RFTN1: variants seen among roughly 807,000 people sequenced by gnomAD.
RFTN1 encodes raftlin, lipid raft linker 1, also known as raftlin.
RFTN1 carries 26 observed loss-of-function variants against 46.5 expected under a neutral mutation model. That is an observed-to-expected ratio of 0.56 (90% CI 0.41 to 0.78). The LOEUF (loss-of-function observed/expected upper bound fraction) is 0.78. Among genes scored for constraint, RFTN1 ranks in the 30% least tolerant of loss-of-function variants. The pLI, the probability that RFTN1 is intolerant of heterozygous loss-of-function variation, is 0.00. For missense variants in RFTN1, 693 were observed against 718.7 expected, an observed-to-expected ratio of 0.96 and a Z score of 0.41; for synonymous variants, 261 against 284.2, an observed-to-expected ratio of 0.92 and a Z score of 0.82.
At chr3:16,477,843 T>C (rs1246399326) in intron 2 of RFTN1, among the ~76,000 whole-genome samples, 3 of 152,352 alleles carry the variant, frequency 2.0e-5, no homozygotes, top group Admixed American at 2.0e-4. Context: ...ACCAGGCTGA[T>C]GAATAACTGG....
intron 3 of RFTN1, among the ~76,000 whole-genome samples, chr3:16,411,842 A>G (rs550736526): frequency 7.2e-5 from 11 of 152,364 alleles, no homozygotes; most frequent in African/African-American, 2.2e-4. Flanking sequence ...TCAAATGAAT[A>G]GACTAAAAAA....
intron 2 of RFTN1, among the ~76,000 whole-genome samples, chr3:16,444,413 T>C (rs770789634): frequency 2.0e-5 from 3 of 152,266 alleles, no homozygotes; most frequent in Non-Finnish European, 4.4e-5. Flanking sequence ...CTATGGGTTT[T>C]TTCCAGGCGC....
chr3:16,441,482 A>G (rs1428683217), intron 2 of RFTN1, among the ~76,000 whole-genome samples: 1 of 152,332 alleles, frequency 6.6e-6, no homozygotes, highest in Middle Eastern at 3.4e-3. Flanking sequence ...AGCCCTTCAG[A>G]CATTTGCAAA....
rs2075338987 is a variant in RFTN1, at chr3:16,429,135, T to G, written c.332+4716A>C. 6.6e-6 allele frequency among the ~76,000 whole-genome samples: 1 copy of G among 150,406 alleles called. No homozygotes were observed. The highest frequency in any genetic ancestry group is 2.4e-5 in the African/African-American group (1 of 41,326). On this transcript the variant is annotated intron_variant, in intron 3 of 9. Coordinates refer to ENST00000334133, the MANE Select transcript of RFTN1 (RefSeq NM_015150.2). The surrounding 1 kb of genome is among the most constrained non-coding windows in gnomAD (Gnocchi z 6.4). ...AATACACTTAGAATTAAGAACAGTT[T>G]ACAGTTAGATGTGTGGCTAGGCCTG...
At chr3:16,343,566 A>G (rs1405048385) in intron 7 of RFTN1, among the ~76,000 whole-genome samples, 2 of 152,256 alleles carry the variant, frequency 1.3e-5, no homozygotes, top group South Asian at 2.1e-4. Context: ...TATGGTGGTC[A>G]TGGTGGAACC....
chr3:16,321,830 C>A lies in RFTN1; in HGVS notation c.1332+1546G>T, dbSNP rs1393108082. On this transcript the variant is annotated intron_variant, in intron 9 of 9. Transcript: ENST00000334133. This position sits in a 1 kb window ranked among gnomAD's most constrained non-coding sequence, Gnocchi z 4.8. Reference sequence around the variant, plus strand: ...GAGGAGAGTCAGTTCAACCTTATTACAGCAGCTTTTACAAATCTATCTCTA... The same window carrying A: ...GAGGAGAGTCAGTTCAACCTTATTAAAGCAGCTTTTACAAATCTATCTCTA... Among the ~76,000 whole-genome samples, 1 of 152,202 alleles carries A rather than the reference C, an allele frequency of 6.6e-6. No homozygotes were observed. Among genetic ancestry groups the A allele is most frequent in the South Asian group, 2.1e-4 (1 of 4,834 alleles).
chr3:16,396,195 A>T (rs746867469), intron 4 of RFTN1, among the ~76,000 whole-genome samples: 16 of 152,246 alleles, frequency 1.1e-4, no homozygotes, highest in Non-Finnish European at 1.6e-4. Flanking sequence ...TCTGATTAAC[A>T]GCTATGGCAG....
intron 1 of RFTN1, among the ~76,000 whole-genome samples, chr3:16,508,686 TCACA>T (rs1302882324): frequency 9.1e-6 from 1 of 109,630 alleles, no homozygotes; most frequent in Non-Finnish European, 1.8e-5. Flanking sequence ...GAAGGAAAGA[TCACA>T]CGCACGCACA....
chr3:16,317,243 G>A lies in RFTN1; in HGVS notation c.1333-11C>T, dbSNP rs2068506183. On this transcript the variant is annotated splice_polypyrimidine_tract_variant and intron_variant, in intron 9 of 9. Coordinates refer to ENST00000334133, the MANE Select transcript of RFTN1 (RefSeq NM_015150.2). This position sits in a 1 kb window ranked among gnomAD's most constrained non-coding sequence, Gnocchi z 4.3. The stretch of plus-strand genomic sequence containing the variant: ...GAATCGCCACTGAAACTAGAAATCA[G>A]AAAGGATGGGGATAAATAACAAGCC... The A allele has an allele frequency of 1.9e-6, 3 of 1,610,244 alleles. No individual in the cohort carries two copies.
rs190646245 is a variant in RFTN1 at position 16,508,749 on chromosome 3, A to C, written c.-9+4693T>G. Among the ~76,000 whole-genome samples the C allele has an allele frequency of 1.2e-4, 19 of 152,176 alleles. No individual in the cohort carries two copies. The East Asian group carries it at 3.7e-3, about 29-fold the overall frequency. On this transcript the variant is annotated intron_variant, in intron 1 of 9. Transcript: ENST00000334133. ...CCCTTTAAAAGGTAAACACAAAAGC[A>C]ACATCTGGCTAAATGTATCCCTTTG...
At chr3:16,435,268 A>G (rs2075480483) in intron 2 of RFTN1, among the ~76,000 whole-genome samples, 2 of 152,204 alleles carry the variant, frequency 1.3e-5, no homozygotes, top group Admixed American at 6.5e-5. Context: ...AATTTTTATC[A>G]ATTAACAGTA....
In RFTN1 at chr3:16,393,725, C is replaced by T. The variant is rs2125407794; in HGVS notation, c.442-15623G>A. 2.0e-5 allele frequency among the ~76,000 whole-genome samples: 3 copies of T among 150,722 alleles called. No individual in the cohort carries two copies. In the South Asian group the frequency reaches 6.3e-4, roughly 32 times the overall value. On this transcript the variant is annotated intron_variant, in intron 4 of 9. Transcript: ENST00000334133. ...CCAGGCTGTAGTGCAGTGGCACGGTCTTGGCTTACTGCCAGCTCCACCTCC... is the reference window on the plus strand; with the variant it reads ...CCAGGCTGTAGTGCAGTGGCACGGTTTTGGCTTACTGCCAGCTCCACCTCC...
At position 16,342,893 on chromosome 3, in the gene RFTN1, T is replaced by C. The variant is rs1233137364; in HGVS notation, c.1146+15039A>G. On this transcript the variant is annotated intron_variant, in intron 7 of 9. Coordinates refer to ENST00000334133, the MANE Select transcript of RFTN1 (RefSeq NM_015150.2). The surrounding 1 kb of genome is among the most constrained non-coding windows in gnomAD (Gnocchi z 4.0). Reference sequence around the variant, plus strand: ...ATCTCCACCCCGAAGACCCACTGACTTTGAGTCTCGATCTCAGCTCACTGC... The same window carrying C: ...ATCTCCACCCCGAAGACCCACTGACCTTGAGTCTCGATCTCAGCTCACTGC... Among the ~76,000 whole-genome samples, 1 of 152,208 alleles carries C rather than the reference T, an allele frequency of 6.6e-6. No homozygotes were observed. The highest frequency in any genetic ancestry group is 2.4e-5 in the African/African-American group (1 of 41,448).
At chr3:16,325,918 G>A (rs2069642562) in intron 8 of RFTN1, among the ~76,000 whole-genome samples, 1 of 152,206 alleles carries the variant, frequency 6.6e-6, no homozygotes, top group African/African-American at 2.4e-5. Context: ...GGGCCACAGC[G>A]GGGGCATCCT....
chr3:16,354,342 A>G (rs1051671393), intron 7 of RFTN1, among the ~76,000 whole-genome samples: 1 of 152,250 alleles, frequency 6.6e-6, no homozygotes, highest in Non-Finnish European at 1.5e-5. Context: ...CCATAAACCA[A>G]GGAGTTACAG....
rs1291764215 is a variant in RFTN1 at position 16,452,084 on chromosome 3, G to A, written c.146-18047C>T. ...GCAGGATGGCACGAGATTTCACCAT[G>A]CTACTCAGAATAGTGAGTAATTGAA... On this transcript the variant is annotated intron_variant, in intron 2 of 9. Transcript: ENST00000334133. The surrounding 1 kb of genome is among the most constrained non-coding windows in gnomAD (Gnocchi z 6.3). Among the ~76,000 whole-genome samples, 1 of 152,194 alleles carries A rather than the reference G, an allele frequency of 6.6e-6. No individual in the cohort carries two copies. Among genetic ancestry groups the A allele is most frequent in the South Asian group, 2.1e-4 (1 of 4,830 alleles).
At chr3:16,368,319 G>T (rs997072228) in intron 6 of RFTN1, among the ~76,000 whole-genome samples, 1 of 150,044 alleles carries the variant, frequency 6.7e-6, no homozygotes, top group African/African-American at 2.5e-5. Flanking sequence ...TTGTGTAGAG[G>T]GAGGTTACCC....
At chr3:16,332,983 AAC>A (rs2070479251) in intron 7 of RFTN1, among the ~76,000 whole-genome samples, 1 of 152,200 alleles carries the variant, frequency 6.6e-6, no homozygotes, top group Non-Finnish European at 1.5e-5. Flanking sequence ...ATCTGGTCGC[AAC>A]AGTTTTGCAA....
In RFTN1 at chr3:16,474,801, C is replaced by G. The variant is rs752470557; in HGVS notation, c.145+18924G>C. ...AGATGACATCTTGACAAGTTGGACT[C>G]TTTCGGGACAAAGAATACAAGCTGC... On this transcript the variant is annotated intron_variant, in intron 2 of 9. Coordinates refer to ENST00000334133, the MANE Select transcript of RFTN1 (RefSeq NM_015150.2). This position sits in a 1 kb window ranked among gnomAD's most constrained non-coding sequence, Gnocchi z 5.5. Among the ~76,000 whole-genome samples, 3 of 152,228 alleles carry G rather than the reference C, an allele frequency of 2.0e-5. No homozygotes were observed. The highest frequency in any genetic ancestry group is 4.4e-5 in the Non-Finnish European group (3 of 68,034).
Sources: allele counts gnomAD v4.1 joint callset (sites outside exome capture counted in the v4.1 genomes callset), GRCh38; gene constraint gnomAD v4.1.1; non-coding constraint Gnocchi (gnomAD v3.1); transcripts MANE v1.5; gene names NCBI Gene and HGNC (gene_info 2026-07-23, HGNC 2026-07-21).